GRID2: variants seen among roughly 807,000 people sequenced by gnomAD.
GRID2 encodes the protein glutamate receptor ionotropic, delta-2.
In GRID2, 33 loss-of-function variants were observed where a neutral mutation model predicts 114.8. The ratio of observed to expected loss-of-function variants is 0.29; its 90% CI spans 0.22 to 0.38. The LOEUF is 0.38. GRID2 is among the 10% of genes least tolerant of loss of function. The pLI, the probability that GRID2 is intolerant of heterozygous loss-of-function variation, is 1.00. For missense variants in GRID2, 1,184 were observed against 1,257.7 expected (o/e 0.94, Z 0.89); for synonymous variants, 505 against 449.9 (o/e 1.12, Z -1.55).
At chr4:92,625,160 G>A (rs62307915) in intron 2 of GRID2, among the ~76,000 whole-genome samples, 1 of 151,566 alleles carries the variant, frequency 6.6e-6, no homozygotes, top group Non-Finnish European at 1.5e-5. Context: ...ATTCCTGAGA[G>A]CTTACATTAT....
chr4:93,418,290 A>T (rs980231651), intron 9 of GRID2, among the ~76,000 whole-genome samples: 1 of 151,498 alleles, frequency 6.6e-6, no homozygotes, highest in African/African-American at 2.4e-5. Flanking sequence ...CCTCTTGTTT[A>T]TTCTTCCTTC....
chr4:93,587,085 T>A (rs1436593633), intron 13 of GRID2, among the ~76,000 whole-genome samples: 2 of 152,106 alleles, frequency 1.3e-5, no homozygotes. Context: ...TTCTCCTCTA[T>A]GAAGTTTCTT....
chr4:92,857,825 C>A (rs1230679526), intron 2 of GRID2, among the ~76,000 whole-genome samples: 1 of 152,112 alleles, frequency 6.6e-6, no homozygotes, highest in Non-Finnish European at 1.5e-5. Context: ...TAAATCAAAG[C>A]CTGGCTTCAA....
intron 2 of GRID2, among the ~76,000 whole-genome samples, chr4:92,954,309 A>G (rs2149139425): frequency 6.6e-6 from 1 of 152,306 alleles, no homozygotes; most frequent in Non-Finnish European, 1.5e-5. Context: ...TGGATATGAC[A>G]TCTAATTCAA....
At chr4:92,978,134 A>C (rs767113560) in intron 2 of GRID2, among the ~76,000 whole-genome samples, 31 of 152,252 alleles carry the variant, frequency 2.0e-4, no homozygotes, top group South Asian at 6.2e-4. Flanking sequence ...TGGAAAGGGC[A>C]CACATGAAAG....
At chr4:92,978,303 A>G (rs2149183195) in intron 2 of GRID2, among the ~76,000 whole-genome samples, 1 of 149,068 alleles carries the variant, frequency 6.7e-6, no homozygotes, top group Non-Finnish European at 1.5e-5. Context: ...TAATTACTGA[A>G]ACATTTTTCC....
chr4:92,524,427 T>G (rs13124434), intron 1 of GRID2, among the ~76,000 whole-genome samples: 19,498 of 138,078 alleles, frequency 0.14, 1,460 homozygotes, highest in African/African-American at 0.19. Context: ...TTTTTTTTTT[T>G]TTTGTTTACC....
intron 2 of GRID2, among the ~76,000 whole-genome samples, chr4:92,806,934 G>A (rs1273840243): frequency 6.6e-6 from 1 of 151,886 alleles, no homozygotes; most frequent in Non-Finnish European, 1.5e-5. Flanking sequence ...GATGAAAGCA[G>A]CTATGACATA....
chr4:92,809,868 A>C (rs866180925), intron 2 of GRID2, among the ~76,000 whole-genome samples: 2 of 152,024 alleles, frequency 1.3e-5, no homozygotes, highest in Non-Finnish European at 2.9e-5. Flanking sequence ...CATAATATTT[A>C]TATCACCAGG....
intron 4 of GRID2, among the ~76,000 whole-genome samples, chr4:93,174,244 G>C (rs1739131761): frequency 1.3e-5 from 2 of 152,084 alleles, no homozygotes. Flanking sequence ...AGTCTCCTTT[G>C]TGCTATTATG....
chr4:93,425,796 T>C (rs964530723), intron 10 of GRID2, among the ~76,000 whole-genome samples: 1 of 152,062 alleles, frequency 6.6e-6, no homozygotes, highest in Non-Finnish European at 1.5e-5. Flanking sequence ...GTCGACCCCA[T>C]CCCCGCTGAA....
chr4:93,546,907 C>G (rs1171841074), intron 13 of GRID2, among the ~76,000 whole-genome samples: 1 of 152,006 alleles, frequency 6.6e-6, no homozygotes, highest in Non-Finnish European at 1.5e-5. Context: ...ACTTGTCTTA[C>G]TTTAGGTATA....
At chr4:93,537,933 C>T (rs537431610) in intron 13 of GRID2, among the ~76,000 whole-genome samples, 1 of 151,788 alleles carries the variant, frequency 6.6e-6, no homozygotes, top group East Asian at 1.9e-4. Context: ...AACAAATTTT[C>T]ACAAATCAAT....
intron 4 of GRID2, among the ~76,000 whole-genome samples, chr4:93,127,722 G>A (rs1203969240): frequency 2.6e-5 from 4 of 151,994 alleles, no homozygotes. Context: ...GCTAGGCTGG[G>A]CATGGTGGCT....
chr4:92,560,925 C>G lies in GRID2; in HGVS notation c.89-29206C>G, dbSNP rs368065211. ...GTTTCACCATGTTGGTCAGGCTGGT[C>G]TTGAACTCCTGACCTCAGGTGATCC... On this transcript the variant is annotated intron_variant, in intron 1 of 15. Transcript: ENST00000282020. 1.1e-4 allele frequency among the ~76,000 whole-genome samples: 16 copies of G among 152,210 alleles called. No individual in the cohort carries two copies. The East Asian group carries it at 2.9e-3, about 28-fold the overall frequency.
intron 2 of GRID2, among the ~76,000 whole-genome samples, chr4:92,972,737 C>T (rs527454237): frequency 8.6e-5 from 13 of 151,810 alleles, no homozygotes; most frequent in African/African-American, 3.1e-4. Flanking sequence ...GGTTACTTTT[C>T]CTGATCCTCT....
chr4:93,273,028 T>G (rs1200961289), intron 8 of GRID2, among the ~76,000 whole-genome samples: 3 of 152,222 alleles, frequency 2.0e-5, no homozygotes, highest in Non-Finnish European at 4.4e-5. Flanking sequence ...CTTTGCACCA[T>G]CATCCTGTCA....
chr4:93,354,571 A>G (rs1417528647), intron 8 of GRID2, among the ~76,000 whole-genome samples: 2 of 151,696 alleles, frequency 1.3e-5, no homozygotes, highest in African/African-American at 4.8e-5. Context: ...ACAGTGATTT[A>G]TAGCTCAAAA....
At chr4:93,733,334 A>T (rs1165410811) in intron 14 of GRID2, among the ~76,000 whole-genome samples, 1 of 152,100 alleles carries the variant, frequency 6.6e-6, no homozygotes, top group Admixed American at 6.6e-5. Context: ...CACAACAGAA[A>T]TTCCTGTCTG....
Sources: gnomAD v4.1 joint callset for allele counts (sites outside exome capture counted in the v4.1 genomes callset) on GRCh38, gnomAD v4.1.1 for gene constraint, MANE v1.5 for transcripts, NCBI Gene and HGNC (gene_info 2026-07-23, HGNC 2026-07-21) for gene names.